The following CDC42BPG variants were observed in gnomAD, a reference collection of about 807,000 sequenced individuals.
CDC42BPG encodes CDC42 binding protein kinase gamma.
In CDC42BPG, 157 loss-of-function variants were observed where a neutral mutation model predicts 192.2. The observed-to-expected ratio is 0.82, with a 90% CI of 0.72 to 0.93. The LOEUF is 0.93. Ranked by LOEUF, CDC42BPG falls within the 40% of genes least tolerant of loss-of-function variation. The probability of loss-of-function intolerance (pLI) is 0.00; values close to 1 mark genes in which losing one functional copy is unlikely to be tolerated. For synonymous variants in CDC42BPG, 981 were observed against 918.5 expected (o/e 1.07, Z -1.23); for missense variants, 1,992 against 2,122.1 (o/e 0.94, Z 1.20).
At chr11:64,839,436 C>CTCCT (rs765107988) in intron 6 of CDC42BPG, 42 bp downstream of exon 6, 22 of 1,567,368 alleles carry the variant, frequency 1.4e-5, no homozygotes. Context: ...GAGCTTGGCC[C>CTCCT]GCCTTGTATC....
chr11:64,833,153 G>A, intron 24 of CDC42BPG, 78 bp downstream of exon 24: 4 of 1,298,336 alleles, frequency 3.1e-6, no homozygotes. Flanking sequence ...GTGACCCTGG[G>A]ATGGGAGAAA....
chr11:64,826,823 G>T, intron 34 of CDC42BPG, 29 bp from the exon 35 acceptor site: 2 of 1,475,434 alleles, frequency 1.4e-6, no homozygotes, highest in South Asian at 2.8e-5. Flanking sequence ...GAGGGGCTGG[G>T]ACTAGCAGGC....
rs201412216 is a variant in CDC42BPG at position 64,836,902 on chromosome 11, G to A, written c.1303+20C>T. 27 of 1,612,264 alleles carry A rather than the reference G, an allele frequency of 1.7e-5. No individual in the cohort carries two copies. The East Asian group carries it at 2.9e-4, about 17-fold the overall frequency. ...CCCTAGGGCCAGCACACCCAGGCCC[G>A]GCCCAGCCGCTCCCAGTACCTTGGT... On this transcript the variant is annotated intron_variant, in intron 10 of 36. Transcript: ENST00000342711.
rs1362209958 is a variant in CDC42BPG at position 64,835,756 on chromosome 11, G to A, written c.1758+6C>T. 2.5e-6 allele frequency: 4 copies of A among 1,613,412 alleles called. No individual in the cohort carries two copies. The highest frequency in any genetic ancestry group is 3.3e-5 in the Admixed American group (2 of 59,988). The stretch of plus-strand genomic sequence containing the variant: ...CACCTCTTGCCAAGGGGGAGGACTT[G>A]ACTACCTTGGCCTGGGACGACTCCT... On this transcript the variant is annotated splice_donor_region_variant and intron_variant, in intron 14 of 36. Coordinates refer to ENST00000342711, the MANE Select transcript of CDC42BPG (RefSeq NM_017525.3).
Position 64,827,263 on chromosome 11 carries a change from G to C in CDC42BPG, c.4271+15C>G. On this transcript the variant is annotated intron_variant, in intron 33 of 36. Coordinates refer to ENST00000342711, the MANE Select transcript of CDC42BPG (RefSeq NM_017525.3). ...GGCCCCACCCAGCCTCAGCCCCCGC[G>C]TCGTGCACGCGCACCTGCGCTGCTG... The C allele has an allele frequency of 6.2e-7, 1 of 1,613,396 alleles. No individual in the cohort carries two copies. The highest frequency in any genetic ancestry group is 1.1e-5 in the South Asian group (1 of 91,058).
rs1218545782 is a variant in CDC42BPG at position 64,841,678 on chromosome 11, T to C, written c.308A>G (p.His103Arg). Residue 103 changes from histidine to arginine, a missense_variant, in exon 3 of 37, where the codon CAC becomes CGC. Transcript: ENST00000342711. ...AGCCCTCTTCAGCATCTCCCACTTG[T>C]GCAGCATTTTCATGGCAAAAATCTG... is the stretch of plus-strand genomic sequence containing the variant. ...TGQIFAMKMLHKWEMLKRAET... is the reference protein window; with the variant it reads ...TGQIFAMKMLRKWEMLKRAET... 6.2e-7 allele frequency: 1 copy of C among 1,613,636 alleles called. No homozygotes were observed. The highest frequency in any genetic ancestry group is 1.7e-5 in the Admixed American group (1 of 59,990).
chr11:64,840,275 G>A lies in CDC42BPG; in HGVS notation c.433-7C>T. On this transcript the variant is annotated splice_region_variant and splice_polypyrimidine_tract_variant and intron_variant, in intron 4 of 36. Transcript: ENST00000342711. ...AGTAGTCCATCACAAGGTACTGGAGGTGGCGGACAAGAATCAGACCCGGGG... is the reference window on the plus strand; with the variant it reads ...AGTAGTCCATCACAAGGTACTGGAGATGGCGGACAAGAATCAGACCCGGGG... 1 of 1,608,816 alleles carries A rather than the reference G, an allele frequency of 6.2e-7. No homozygotes were observed. The highest frequency in any genetic ancestry group is 8.5e-7 in the Non-Finnish European group (1 of 1,178,914).
At chr11:64,828,951 G>A (rs984276518) in intron 30 of CDC42BPG, among the ~76,000 whole-genome samples, 49 of 152,186 alleles carry the variant, frequency 3.2e-4, no homozygotes, top group African/African-American at 1.1e-3. Flanking sequence ...TAGGGAGGCT[G>A]AGGCAGGAGA....
chr11:64,829,356 T>C, intron 30 of CDC42BPG, 115 bp downstream of exon 30: 2 of 1,360,430 alleles, frequency 1.5e-6, no homozygotes, highest in Non-Finnish European at 2.0e-6. Context: ...GGCTGGAGGA[T>C]GCAAACTGGC....
In CDC42BPG at chr11:64,835,343, T is replaced by C. The variant is rs528585413; in HGVS notation, c.1953+4A>G. The C allele has an allele frequency of 6.2e-7, 1 of 1,613,982 alleles. No homozygotes were observed. Among genetic ancestry groups the C allele is most frequent in the South Asian group, 1.1e-5 (1 of 91,084 alleles). ...GTACCCTCCGTCTGTTGTACCCTGCTCACCCGCTCCTGCTCCCGGCTCAGC... is the reference window on the plus strand; with the variant it reads ...GTACCCTCCGTCTGTTGTACCCTGCCCACCCGCTCCTGCTCCCGGCTCAGC... On this transcript the variant is annotated splice_donor_region_variant and intron_variant, in intron 16 of 36. Transcript: ENST00000342711.
At position 64,823,080 on chromosome 11, in the gene CDC42BPG, TTTTC is replaced by T. The variant is rs1942306863; in HGVS notation, c.*1389_*1392del. 1.6e-5 allele frequency among the ~76,000 whole-genome samples: 2 copies of T among 123,352 alleles called. No individual in the cohort carries two copies. The highest frequency in any genetic ancestry group is 3.9e-5 in the Non-Finnish European group (2 of 50,778). 80.9% of individuals were successfully genotyped at this position (123,352 alleles called of 152,430 possible). On this transcript the variant is annotated 3_prime_UTR_variant, in exon 37 of 37. Coordinates refer to ENST00000342711, the MANE Select transcript of CDC42BPG (RefSeq NM_017525.3). ...TACAAAGCTGTCTTTATTGGTTTCC[TTTTC>T]TTTTCTTTTTTTTTTTTTTTGAGAC... is the stretch of plus-strand genomic sequence containing the variant.
intron 1 of CDC42BPG, among the ~76,000 whole-genome samples, chr11:64,843,175 G>A (rs953312451): frequency 6.6e-6 from 1 of 152,068 alleles, no homozygotes; most frequent in Non-Finnish European, 1.5e-5. Context: ...GGCAGGAGCA[G>A]GGACAAGTAG....
intron 35 of CDC42BPG, 38 bp downstream of exon 35, chr11:64,826,633 G>T (rs777259807): frequency 6.3e-7 from 1 of 1,581,022 alleles, no homozygotes; most frequent in Non-Finnish European, 8.6e-7. Context: ...AACTTGGGGT[G>T]GGGGGTGGCA....
At chr11:64,829,309 C>T (rs1033965204) in intron 30 of CDC42BPG, among the ~76,000 whole-genome samples, 162 bp downstream of exon 30, 2 of 152,172 alleles carry the variant, frequency 1.3e-5, no homozygotes, top group Admixed American at 6.5e-5. Flanking sequence ...AAGGAAGGTC[C>T]CCTGCAAGCC....
In CDC42BPG at chr11:64,827,556, C is replaced by T. The variant is rs756030003; in HGVS notation, c.4121G>A (p.Arg1374His). The part of the protein sequence containing the change: ...SLFLYGTEKV[R>H]LTYLRNQLAE... Reference sequence around the variant, plus strand: ...CAGCTGGTTCCTGAGGTAGGTCAGGCGGACCTTCTCGGTGCCGTAGAGGAA... The same window carrying T: ...CAGCTGGTTCCTGAGGTAGGTCAGGTGGACCTTCTCGGTGCCGTAGAGGAA... Residue 1374 changes from arginine (R) to histidine (H), a missense_variant, in exon 32 of 37, where the codon CGC becomes CAC. By Grantham distance (29) the Arg-to-His change is conservative. Around this residue, in one of 2 missense-constraint regions of CDC42BPG, gnomAD observed 336 missense variants for 277.9 expected, o/e 1.21. Coordinates refer to ENST00000342711, the MANE Select transcript of CDC42BPG (RefSeq NM_017525.3). 13 of 1,612,628 alleles carry T rather than the reference C, an allele frequency of 8.1e-6. No individual in the cohort carries two copies. Among genetic ancestry groups the T allele is most frequent in the Non-Finnish European group, 1.1e-5 (13 of 1,179,138 alleles).
intron 36 of CDC42BPG, 146 bp from the exon 37 acceptor site, chr11:64,824,675 G>A (rs1054755994): frequency 1.5e-5 from 9 of 609,030 alleles, no homozygotes; most frequent in South Asian, 1.0e-4. Context: ...GTGAGGAGTA[G>A]AGGTGGTAAA....
In CDC42BPG at chr11:64,839,088, G is replaced by A. The variant is rs142811739; in HGVS notation, c.821C>T (p.Thr274Met). The A allele has an allele frequency of 3.2e-5, 52 of 1,613,524 alleles. No homozygotes were observed. Among genetic ancestry groups the A allele is most frequent in the African/African-American group, 1.5e-4 (11 of 74,932 alleles). ...CACCAAGGACTCAGCATAGAAGGGCGTCTCCCCAAAGAGCAGCTCATAGGC... is the reference window on the plus strand; with the variant it reads ...CACCAAGGACTCAGCATAGAAGGGCATCTCCCCAAAGAGCAGCTCATAGGC... ...VCAYELLFGE[T>M]PFYAESLVET... Residue 274 changes from threonine (T) to methionine (M), a missense_variant, in exon 7 of 37, where the codon ACG (threonine) becomes ATG (methionine). Physicochemically the swap from Thr to Met is moderately conservative, Grantham distance 81. Around this residue, in one of 2 missense-constraint regions of CDC42BPG, gnomAD observed 1,656 missense variants for 1,844.3 expected, o/e 0.90. Transcript: ENST00000342711.
In CDC42BPG at chr11:64,836,732, G is replaced by A. The variant is rs1943030221; in HGVS notation, c.1384+7C>T. ...GGGGGGGGGGGGGGGGTGGGCGGAA[G>A]GGATACCTGGCAGCCTGTCCCGCAG... On this transcript the variant is annotated splice_region_variant and intron_variant, in intron 11 of 36. Transcript: ENST00000342711. 7.4e-7 allele frequency: 1 copy of A among 1,355,588 alleles called. No homozygotes were observed. The allele number at this position is 1,355,588 out of a possible 1,614,324, so 84.0% of individuals were successfully genotyped here. A position where few individuals can be genotyped will look rare whatever the true frequency, so the allele number is the denominator to read the frequency against.
In CDC42BPG at chr11:64,844,630, G is replaced by GTCCGCCC; in HGVS notation, c.-62_-61insGGGCGGA. ...TGGCCGCCCGCATGCCCGCCTGTCGGGCCGTCCGTCCGCCCAACCGTCTGA... is the reference window on the plus strand; with the variant it reads ...TGGCCGCCCGCATGCCCGCCTGTCGGTCCGCCCGCCGTCCGTCCGCCCAACCGTCTGA... On this transcript the variant is annotated 5_prime_UTR_variant, in exon 1 of 37. Transcript: ENST00000342711. The GTCCGCCC allele has an allele frequency of 2.5e-6, 3 of 1,208,416 alleles. No homozygotes were observed. The highest frequency in any genetic ancestry group is 3.1e-6 in the Non-Finnish European group (3 of 967,536). The allele number at this position is 1,208,416 out of a possible 1,614,324, so 74.9% of individuals were successfully genotyped here. A position where few individuals can be genotyped will look rare whatever the true frequency, so the allele number is the denominator to read the frequency against.
Sources: allele counts gnomAD v4.1 joint callset (sites outside exome capture counted in the v4.1 genomes callset), GRCh38; gene constraint gnomAD v4.1.1; regional missense constraint gnomAD v4.1.1; transcripts MANE v1.5; gene names NCBI Gene and HGNC (gene_info 2026-07-23, HGNC 2026-07-21).